PELI2: variants seen among roughly 807,000 people sequenced by gnomAD.
The protein encoded by PELI2 is pellino E3 ubiquitin protein ligase family member 2.
Under a neutral mutation model 42.3 loss-of-function variants are expected in PELI2, and 23 were observed. The ratio of observed to expected loss-of-function variants is 0.54; its 90% CI spans 0.39 to 0.77. PELI2 has a LOEUF of 0.77. Among genes scored for constraint, PELI2 ranks in the 30% least tolerant of loss-of-function variants. The pLI is 0.00. For missense variants in PELI2, 463 were observed against 553.2 expected, an observed-to-expected ratio of 0.84 and a Z score of 1.64; for synonymous variants, 245 against 212.2, an observed-to-expected ratio of 1.15 and a Z score of -1.34.
chr14:56,211,290 A>G (rs17832597), intron 2 of PELI2, among the ~76,000 whole-genome samples: 61,295 of 152,100 alleles, frequency 0.4, 13,061 homozygotes, highest in South Asian at 0.53. Context: ...GAAGGTCAGT[A>G]TGGAGTCACA....
In PELI2 at chr14:56,279,780, A is replaced by G; in HGVS notation, c.309+3A>G. On this transcript the variant is annotated splice_donor_region_variant and intron_variant, in intron 3 of 5. Coordinates refer to ENST00000267460, the MANE Select transcript of PELI2 (RefSeq NM_021255.3). ...ATAAGGATACGGATATGTTTCAGGTAATATTTTTCTTTTTTAATAGAAATT... is the reference window on the plus strand; with the variant it reads ...ATAAGGATACGGATATGTTTCAGGTGATATTTTTCTTTTTTAATAGAAATT... 2 of 1,485,906 alleles carry G rather than the reference A, an allele frequency of 1.3e-6. No homozygotes were observed. Among genetic ancestry groups the G allele is most frequent in the Non-Finnish European group, 1.9e-6 (2 of 1,079,376 alleles). 92.0% of individuals were successfully genotyped at this position (1,485,906 alleles called of 1,614,324 possible). A position where few individuals can be genotyped will look rare whatever the true frequency, so the allele number is the denominator to read the frequency against.
At position 56,301,193 on chromosome 14, in the gene PELI2, T is replaced by G. The variant is rs915672506; in HGVS notation, c.*4027T>G. On this transcript the variant is annotated 3_prime_UTR_variant, in exon 6 of 6. Coordinates refer to ENST00000267460, the MANE Select transcript of PELI2 (RefSeq NM_021255.3). ...GAATATGTTTGTAAAATTGTTGTTT[T>G]ATATTTCATGTCAAATTGAAAAGTT... The G allele has an allele frequency of 1.3e-5, 2 of 152,690 alleles. No individual in the cohort carries two copies. The highest frequency in any genetic ancestry group is 1.5e-5 in the Non-Finnish European group (1 of 68,036). 9.5% of individuals were successfully genotyped at this position (152,690 alleles called of 1,614,324 possible).
intron 2 of PELI2, among the ~76,000 whole-genome samples, chr14:56,217,479 C>T (rs780513644): frequency 4.6e-5 from 7 of 152,194 alleles, no homozygotes; most frequent in Non-Finnish European, 8.8e-5. Context: ...GGGAGGACTG[C>T]GTCCGGCTTG....
intron 2 of PELI2, among the ~76,000 whole-genome samples, chr14:56,242,919 T>C (rs1357019068): frequency 6.6e-6 from 1 of 152,180 alleles, no homozygotes; most frequent in African/African-American, 2.4e-5. Context: ...GCCCAGGTGA[T>C]GGGTGCACCA....
At chr14:56,243,485 A>G (rs1273503134) in intron 2 of PELI2, among the ~76,000 whole-genome samples, 1 of 152,162 alleles carries the variant, frequency 6.6e-6, no homozygotes, top group Non-Finnish European at 1.5e-5. Flanking sequence ...GTCACAACTC[A>G]GTTTCTCTAT....
chr14:56,163,630 T>C (rs187910023), intron 1 of PELI2, among the ~76,000 whole-genome samples: 3 of 152,248 alleles, frequency 2.0e-5, no homozygotes, highest in Non-Finnish European at 4.4e-5. Context: ...GGTATTTCAA[T>C]AGGGATTTCA....
At chr14:56,147,928 T>A (rs1218390949) in intron 1 of PELI2, among the ~76,000 whole-genome samples, 1 of 152,252 alleles carries the variant, frequency 6.6e-6, no homozygotes, top group Admixed American at 6.5e-5. Flanking sequence ...CTGCATAGTC[T>A]ATGTAACTGA....
chr14:56,280,904 CAT>C (rs1441635369), intron 3 of PELI2, among the ~76,000 whole-genome samples: 1 of 151,944 alleles, frequency 6.6e-6, no homozygotes, highest in East Asian at 1.9e-4. Flanking sequence ...AAGAACAAAA[CAT>C]ATAATTCTCA....
At chr14:56,142,746 A>C (rs1285687790) in intron 1 of PELI2, among the ~76,000 whole-genome samples, 1 of 152,062 alleles carries the variant, frequency 6.6e-6, no homozygotes, top group East Asian at 1.9e-4. Context: ...ATAGGAGTAC[A>C]TAGCCTTCAT....
rs959257479 is a variant in PELI2 at position 56,296,980 on chromosome 14, A to T, written c.1077A>T (p.Ala359=). The change falls in exon 6 of 6, where the codon GCA becomes GCT. Residue 359 remains alanine, a synonymous_variant. Coordinates refer to ENST00000267460, the MANE Select transcript of PELI2 (RefSeq NM_021255.3). ...GTGAGGCAGGATTTTATGTAGACGC[A>T]GGACCGCCAACTCATGCTTTCACTC... The part of the protein sequence containing the change: ...LGCEAGFYVD[A]GPPTHAFTPC... 1 of 1,614,004 alleles carries T rather than the reference A, an allele frequency of 6.2e-7. No homozygotes were observed. Among genetic ancestry groups the T allele is most frequent in the African/African-American group, 1.3e-5 (1 of 74,924 alleles).
At chr14:56,205,700 G>T (rs1886493249) in intron 2 of PELI2, among the ~76,000 whole-genome samples, 1 of 152,164 alleles carries the variant, frequency 6.6e-6, no homozygotes. Flanking sequence ...TGAAGACTTG[G>T]ATGCCCCTTT....
chr14:56,267,162 T>C (rs956312322), intron 2 of PELI2, among the ~76,000 whole-genome samples: 1 of 152,212 alleles, frequency 6.6e-6, no homozygotes, highest in African/African-American at 2.4e-5. Context: ...TATCTTTTGC[T>C]CTACAAATCA....
At chr14:56,154,338 A>T (rs1466843958) in intron 1 of PELI2, among the ~76,000 whole-genome samples, 3 of 152,208 alleles carry the variant, frequency 2.0e-5, no homozygotes, top group Non-Finnish European at 4.4e-5. Context: ...GTCTCCACCC[A>T]AATCTCATCT....
At chr14:56,205,559 G>A (rs1886488806) in intron 2 of PELI2, among the ~76,000 whole-genome samples, 1 of 152,148 alleles carries the variant, frequency 6.6e-6, no homozygotes, top group East Asian at 1.9e-4. Flanking sequence ...TGGGGTTAAG[G>A]GGAAGCTTGG....
chr14:56,297,165 G>A lies in PELI2; in HGVS notation c.1262G>A (p.Ter421=), dbSNP rs2093635376. 6.3e-7 allele frequency: 1 copy of A among 1,591,198 alleles called. No individual in the cohort carries two copies. Among genetic ancestry groups the A allele is most frequent in the African/African-American group, 1.3e-5 (1 of 74,726 alleles). Residue 421 remains the stop codon, a stop_retained_variant, in exon 6 of 6, where the codon TGA becomes TAA. Transcript: ENST00000267460. ...TTAATTTTCCAAGGTCCAATTGACT[G>A]ACGCCCTTGACAGCCATCTACGACT... is the stretch of plus-strand genomic sequence containing the variant. ...IKLIFQGPID[*] is the part of the protein sequence containing the mutation.
chr14:56,131,063 A>G (rs1345742327), intron 1 of PELI2, among the ~76,000 whole-genome samples: 1 of 152,100 alleles, frequency 6.6e-6, no homozygotes, highest in Non-Finnish European at 1.5e-5. Flanking sequence ...CTTGTCTTTT[A>G]ATCTTCCTGT....
At position 56,118,742 on chromosome 14, in the gene PELI2, G is replaced by T; in HGVS notation, c.77+5G>T. ...CGGGGAGCTGGTGGTGCTCGGGTGAGTCCTGGGGTCCCTGGTCCCGGGCAG... is the reference window on the plus strand; with the variant it reads ...CGGGGAGCTGGTGGTGCTCGGGTGATTCCTGGGGTCCCTGGTCCCGGGCAG... On this transcript the variant is annotated splice_donor_5th_base_variant and intron_variant, in intron 1 of 5. Transcript: ENST00000267460. 1 of 1,494,480 alleles carries T rather than the reference G, an allele frequency of 6.7e-7. No individual in the cohort carries two copies. The highest frequency in any genetic ancestry group is 2.1e-5 in the Admixed American group (1 of 46,996). The allele number at this position is 1,494,480 out of a possible 1,614,324, so 92.6% of individuals were successfully genotyped here. A position where few individuals can be genotyped will look rare whatever the true frequency, so the allele number is the denominator to read the frequency against.
At chr14:56,267,746 A>T (rs1028510338) in intron 2 of PELI2, among the ~76,000 whole-genome samples, 1 of 152,186 alleles carries the variant, frequency 6.6e-6, no homozygotes, top group Admixed American at 6.5e-5. Flanking sequence ...TCTTAAAAAA[A>T]TTCAAGTAAA....
intron 1 of PELI2, among the ~76,000 whole-genome samples, chr14:56,163,430 A>G (rs909443945): frequency 2.6e-5 from 4 of 152,022 alleles, no homozygotes; most frequent in African/African-American, 7.2e-5. Flanking sequence ...CCATTGGTCT[A>G]TGTGTCTATT....
Sources: gnomAD v4.1 joint callset for allele counts (sites outside exome capture counted in the v4.1 genomes callset) on GRCh38, gnomAD v4.1.1 for gene constraint, MANE v1.5 for transcripts, NCBI Gene and HGNC (gene_info 2026-07-23, HGNC 2026-07-21) for gene names.